The following MTOR variants were observed in gnomAD, a reference collection of about 807,000 sequenced individuals.
The protein encoded by MTOR is mechanistic target of rapamycin kinase.
A neutral mutation model predicts 319.8 loss-of-function variants in MTOR; 70 were observed. The observed-to-expected ratio is 0.22, with a 90% CI of 0.18 to 0.27. MTOR has a LOEUF of 0.27. MTOR is among the 10% of genes least tolerant of loss of function. MTOR has a pLI of 1.00. For synonymous variants in MTOR, 1,183 were observed against 1,211.4 expected (o/e 0.98, Z 0.49); for missense variants, 1,890 against 3,274.4 (o/e 0.58, Z 10.32).
chr1:11,238,345 C>A, intron 12 of MTOR, 57 bp downstream of exon 12: 2 of 1,566,270 alleles, frequency 1.3e-6, no homozygotes, highest in Admixed American at 3.3e-5. Flanking sequence ...ACTGGCTACT[C>A]CCAATTGTCC....
In MTOR at chr1:11,129,691, G is replaced by C. The variant is rs375088480; in HGVS notation, c.5714+47C>G. On this transcript the variant is annotated intron_variant, in intron 40 of 57. Transcript: ENST00000361445. This position sits in a 1 kb window ranked among gnomAD's most constrained non-coding sequence, Gnocchi z 4.7. Reference sequence around the variant, plus strand: ...CTTTTACGTGTGACTTCTAGGTCTTGCCATTAACATGGCCTACCAGAGTTG... The same window carrying C: ...CTTTTACGTGTGACTTCTAGGTCTTCCCATTAACATGGCCTACCAGAGTTG... 6 of 1,534,132 alleles carry C rather than the reference G, an allele frequency of 3.9e-6. No individual in the cohort carries two copies. Among genetic ancestry groups the C allele is most frequent in the Non-Finnish European group, 5.4e-6 (6 of 1,110,124 alleles).
chr1:11,208,036 C>T (rs533609419), intron 25 of MTOR, among the ~76,000 whole-genome samples: 11 of 152,240 alleles, frequency 7.2e-5, no homozygotes, highest in East Asian at 1.9e-4. Flanking sequence ...GCAGGGTGGA[C>T]GGCTGCCTGG....
chr1:11,247,087 C>T (rs1648943910), intron 8 of MTOR, among the ~76,000 whole-genome samples: 1 of 152,176 alleles, frequency 6.6e-6, no homozygotes. Context: ...CATCTCAGGT[C>T]TGATGCCAAA....
chr1:11,167,584 T>C (rs1233964274), intron 28 of MTOR, 67 bp from the exon 29 acceptor site: 3 of 1,257,342 alleles, frequency 2.4e-6, no homozygotes, highest in Admixed American at 3.4e-5. Context: ...TGGGGGTCAT[T>C]TGTGGGCAGA....
At chr1:11,157,418 G>C in intron 29 of MTOR, 127 bp from the exon 30 acceptor site, 1 of 1,208,554 alleles carries the variant, frequency 8.3e-7, no homozygotes, top group South Asian at 1.8e-5. Context: ...AGTTACGTCT[G>C]GGCTTGGATT....
chr1:11,206,739 C>T (rs1396924267), intron 25 of MTOR, among the ~76,000 whole-genome samples: 2 of 152,198 alleles, frequency 1.3e-5, no homozygotes, highest in Admixed American at 6.5e-5. Flanking sequence ...ACTGTGTAAA[C>T]ACGAGCTGCT....
intron 28 of MTOR, among the ~76,000 whole-genome samples, chr1:11,191,219 C>T (rs980680122): frequency 1.3e-5 from 2 of 152,196 alleles, no homozygotes; most frequent in African/African-American, 2.4e-5. Flanking sequence ...TTGCCCAGGA[C>T]ATCATTCCTT....
chr1:11,194,044 C>T (rs930440123), intron 28 of MTOR, among the ~76,000 whole-genome samples: 6 of 152,166 alleles, frequency 3.9e-5, no homozygotes, highest in East Asian at 1.9e-4. Flanking sequence ...TCAGCTGTGC[C>T]GAACACTAGT....
chr1:11,244,634 A>AAAAC (rs1252469158), intron 8 of MTOR, among the ~76,000 whole-genome samples: 2 of 152,248 alleles, frequency 1.3e-5, no homozygotes, highest in African/African-American at 2.4e-5. Flanking sequence ...CTGTCTCAGA[A>AAAAC]AAACAAACAA....
chr1:11,199,263 G>A lies in MTOR; in HGVS notation c.4248C>T (p.Leu1416=). The A allele has an allele frequency of 1.2e-6, 2 of 1,614,226 alleles. No individual in the cohort carries two copies. Among genetic ancestry groups the A allele is most frequent in the Non-Finnish European group, 8.5e-7 (1 of 1,180,038 alleles). Residue 1416 remains leucine, a synonymous_variant, in exon 28 of 58, where the codon CTC becomes CTT. Transcript: ENST00000361445. The surrounding 1 kb of genome is among the most constrained non-coding windows in gnomAD (Gnocchi z 4.5). ...KGPTPAILES[L]ISINNKLQQP... is the part of the protein sequence containing the mutation. The stretch of plus-strand genomic sequence containing the variant: ...AAAAAGGGTTTATGGCCTACCTGAT[G>A]AGAGATTCTAGAATGGCAGGGGTGG...
Position 11,230,936 on chromosome 1 carries a change from C to T in MTOR, c.2768G>A (p.Ser923Asn), listed in dbSNP as rs1447741043. The T allele has an allele frequency of 5.0e-6, 8 of 1,613,848 alleles. No individual in the cohort carries two copies. Among genetic ancestry groups the T allele is most frequent in the Non-Finnish European group, 6.8e-6 (8 of 1,180,024 alleles). Residue 923 changes from serine to asparagine, a missense_variant, in exon 18 of 58, where the codon AGT becomes AAT. Physicochemically the swap from Ser to Asn is conservative, Grantham distance 46 (BLOSUM62 1). This residue lies in a region of MTOR where 377 missense variants were observed against 653.9 expected (regional missense o/e 0.58). Coordinates refer to ENST00000361445, the MANE Select transcript of MTOR (RefSeq NM_004958.4). ...SAVSLSESKS[S>N]QDSSDYSTSE... ...TACCCCCAACTTACAGGAATCCTGA[C>T]TTGACTTGGATTCTGACAGGCTGAC...
At chr1:11,131,775 T>C (rs930351366) in intron 38 of MTOR, 19 of 152,252 alleles carry the variant, frequency 1.2e-4, no homozygotes, top group Admixed American at 1.2e-3. Flanking sequence ...GCAGTGATAG[T>C]AGGACACTAC....
chr1:11,241,542 C>T lies in MTOR; in HGVS notation c.1541+11G>A, dbSNP rs373866621. On this transcript the variant is annotated intron_variant, in intron 10 of 57. Coordinates refer to ENST00000361445, the MANE Select transcript of MTOR (RefSeq NM_004958.4). ...GCTGATACAGGGCAAGCTCAGGTTTCTGACACCCACCTTAGTCCCACTGCC... is the reference window on the plus strand; with the variant it reads ...GCTGATACAGGGCAAGCTCAGGTTTTTGACACCCACCTTAGTCCCACTGCC... 6.9e-6 allele frequency: 11 copies of T among 1,604,892 alleles called. No individual in the cohort carries two copies. In the African/African-American group the frequency reaches 1.5e-4, roughly 21 times the overall value.
chr1:11,135,847 A>G (rs1318451658), intron 36 of MTOR, among the ~76,000 whole-genome samples: 1 of 143,248 alleles, frequency 7.0e-6, no homozygotes, highest in Admixed American at 7.1e-5. Flanking sequence ...AAAAGAAAAG[A>G]AAAAAGGCTG....
intron 29 of MTOR, among the ~76,000 whole-genome samples, chr1:11,161,831 G>C (rs1387863707): frequency 6.6e-6 from 1 of 152,134 alleles, no homozygotes; most frequent in Admixed American, 6.5e-5. Flanking sequence ...ACAAAGATGG[G>C]GAGAAACCAG....
intron 23 of MTOR, among the ~76,000 whole-genome samples, chr1:11,211,750 C>A (rs1646320023): frequency 6.6e-6 from 1 of 152,132 alleles, no homozygotes; most frequent in African/African-American, 2.4e-5. Flanking sequence ...GAGCTCCAGG[C>A]CTACAAAATC....
rs751424934 is a variant in MTOR at position 11,199,254 on chromosome 1, C to T, written c.4253+4G>A. On this transcript the variant is annotated splice_donor_region_variant and intron_variant, in intron 28 of 57. Coordinates refer to ENST00000361445, the MANE Select transcript of MTOR (RefSeq NM_004958.4). The surrounding 1 kb of genome is among the most constrained non-coding windows in gnomAD (Gnocchi z 4.5). ...GCAGCAATTAAAAAGGGTTTATGGC[C>T]TACCTGATGAGAGATTCTAGAATGG... The T allele has an allele frequency of 1.2e-5, 20 of 1,614,172 alleles. No homozygotes were observed. The highest frequency in any genetic ancestry group is 1.7e-5 in the Non-Finnish European group (20 of 1,180,020).
Position 11,128,590 on chromosome 1 carries a change from C to A in MTOR, c.5812-38G>T, listed in dbSNP as rs771055687. On this transcript the variant is annotated intron_variant, in intron 41 of 57. Transcript: ENST00000361445. The surrounding 1 kb of genome is among the most constrained non-coding windows in gnomAD (Gnocchi z 5.3). The stretch of plus-strand genomic sequence containing the variant: ...AAGACACAGTATGTAGCATATGAGA[C>A]TTGAAACAACTAGTTATTCTTCTAG... The A allele has an allele frequency of 6.4e-7, 1 of 1,555,068 alleles. No individual in the cohort carries two copies. The highest frequency in any genetic ancestry group is 1.7e-5 in the Admixed American group (1 of 59,740).
At chr1:11,240,250 C>G in intron 11 of MTOR, 53 bp downstream of exon 11, 3 of 1,509,094 alleles carry the variant, frequency 2.0e-6, no homozygotes, top group Non-Finnish European at 2.7e-6. Flanking sequence ...ATTCCTTTCC[C>G]AAAGTTTCCA....
Sources: allele counts gnomAD v4.1 joint callset (sites outside exome capture counted in the v4.1 genomes callset), GRCh38; gene constraint gnomAD v4.1.1; regional missense constraint gnomAD v4.1.1; non-coding constraint Gnocchi (gnomAD v3.1); transcripts MANE v1.5; gene names NCBI Gene and HGNC (gene_info 2026-07-23, HGNC 2026-07-21).